The following TRIM71 variants were observed in gnomAD, a reference collection of about 807,000 sequenced individuals.
The protein encoded by TRIM71 is E3 ubiquitin-protein ligase TRIM71.
TRIM71 carries 9 observed loss-of-function variants against 61.2 expected under a neutral mutation model. The observed-to-expected ratio is 0.15, with a 90% CI of 0.09 to 0.26. The LOEUF (loss-of-function observed/expected upper bound fraction) is 0.26. Ranked by LOEUF, TRIM71 falls within the 10% of genes least tolerant of loss-of-function variation. The probability of loss-of-function intolerance (pLI) is 1.00; values close to 1 mark genes in which losing one functional copy is unlikely to be tolerated. For synonymous variants in TRIM71, 645 were observed against 553.2 expected (o/e 1.17, Z -2.33); for missense variants, 998 against 1,238.7 (o/e 0.81, Z 2.92).
At chr3:32,854,132 G>T (rs932475044) in intron 1 of TRIM71, among the ~76,000 whole-genome samples, 3 of 152,184 alleles carry the variant, frequency 2.0e-5, no homozygotes, top group Admixed American at 1.3e-4. Context: ...GGAATGACAG[G>T]CATGTGCCAC....
At chr3:32,871,603 G>A (rs1559547881) in intron 1 of TRIM71, among the ~76,000 whole-genome samples, 1 of 152,176 alleles carries the variant, frequency 6.6e-6, no homozygotes, top group Non-Finnish European at 1.5e-5. Flanking sequence ...AAAGGGATTG[G>A]CCAGGAATTT....
chr3:32,869,498 A>G (rs1243816379), intron 1 of TRIM71, among the ~76,000 whole-genome samples: 2 of 152,206 alleles, frequency 1.3e-5, no homozygotes. Context: ...TTGTTGGGCC[A>G]CAGATAGTGT....
At chr3:32,877,764 T>C (rs972785609) in intron 2 of TRIM71, among the ~76,000 whole-genome samples, 5 of 152,192 alleles carry the variant, frequency 3.3e-5, no homozygotes, top group Admixed American at 6.5e-5. Flanking sequence ...TCTAGTTCTC[T>C]TTGTATTTTC....
chr3:32,842,896 T>G (rs941809603), intron 1 of TRIM71, among the ~76,000 whole-genome samples: 1 of 152,156 alleles, frequency 6.6e-6, no homozygotes, highest in African/African-American at 2.4e-5. Flanking sequence ...GAGCCTGCCT[T>G]ACTCTGGCCT....
At position 32,891,773 on chromosome 3, in the gene TRIM71, G is replaced by A. The variant is rs745871220; in HGVS notation, c.2569G>A (p.Val857Met). ...CATCACCCCCGACGGAATGATCGTT[G>A]TGGTGGACTTTGGCAACAATCGAAT... ...IAITPDGMIVVVDFGNNRILV... is the reference protein window; with the variant it reads ...IAITPDGMIVMVDFGNNRILV... Residue 857 changes from valine (V) to methionine (M), a missense_variant, in exon 4 of 4, where the codon GTG (valine) becomes ATG (methionine). Around this residue, in one of 5 missense-constraint regions of TRIM71, gnomAD observed 95 missense variants for 159.0 expected, o/e 0.60. Coordinates refer to ENST00000383763, the MANE Select transcript of TRIM71 (RefSeq NM_001039111.3). The surrounding 1 kb of genome is among the most constrained non-coding windows in gnomAD (Gnocchi z 8.2). 6.2e-7 allele frequency: 1 copy of A among 1,614,080 alleles called. No homozygotes were observed. Among genetic ancestry groups the A allele is most frequent in the Non-Finnish European group, 8.5e-7 (1 of 1,180,042 alleles).
chr3:32,825,165 T>A (rs977327744), intron 1 of TRIM71, among the ~76,000 whole-genome samples: 2 of 152,184 alleles, frequency 1.3e-5, no homozygotes, highest in African/African-American at 4.8e-5. Context: ...CTACTTAATA[T>A]GGATGCAACT....
rs1697094387 is a variant in TRIM71 at position 32,897,661 on chromosome 3, G to A, written c.*5850G>A. ...TGTGTTAGCTAACAGGCTTCTGAAT[G>A]TATCACTGTGGTCCACAGAGAAGGC... On this transcript the variant is annotated 3_prime_UTR_variant, in exon 4 of 4. Transcript: ENST00000383763. 1 of 152,234 alleles carries A rather than the reference G, an allele frequency of 6.6e-6. No individual in the cohort carries two copies. The highest frequency in any genetic ancestry group is 1.5e-5 in the Non-Finnish European group (1 of 68,050). 9.4% of individuals were successfully genotyped at this position (152,234 alleles called of 1,614,324 possible). A position where few individuals can be genotyped will look rare whatever the true frequency, so the allele number is the denominator to read the frequency against.
At chr3:32,843,605 G>T (rs1311986953) in intron 1 of TRIM71, among the ~76,000 whole-genome samples, 1 of 152,126 alleles carries the variant, frequency 6.6e-6, no homozygotes, top group Non-Finnish European at 1.5e-5. Flanking sequence ...TAATCCCCGT[G>T]CCTCCCATTC....
rs954184004 is a variant in TRIM71, at chr3:32,893,752, C to A, written c.*1941C>A. 2.6e-5 allele frequency: 4 copies of A among 151,836 alleles called. No individual in the cohort carries two copies. The highest frequency in any genetic ancestry group is 9.7e-5 in the African/African-American group (4 of 41,434). 9.4% of individuals were successfully genotyped at this position (151,836 alleles called of 1,614,324 possible). A position where few individuals can be genotyped will look rare whatever the true frequency, so the allele number is the denominator to read the frequency against. ...ACAGTGTGACAAGTCAATCAAGTTG[C>A]TTTTCCCGTACACCTCTTTTGGACG... On this transcript the variant is annotated 3_prime_UTR_variant, in exon 4 of 4. Transcript: ENST00000383763.
intron 2 of TRIM71, 77 bp downstream of exon 2, chr3:32,874,062 T>C: frequency 6.8e-7 from 1 of 1,463,198 alleles, no homozygotes; most frequent in Non-Finnish European, 9.2e-7. Context: ...GACAGACAAT[T>C]GGGCAGATTC....
At chr3:32,821,046 T>G (rs950819460) in intron 1 of TRIM71, among the ~76,000 whole-genome samples, 2 of 152,216 alleles carry the variant, frequency 1.3e-5, no homozygotes, top group African/African-American at 4.8e-5. Context: ...GACTAAAGTG[T>G]TAGGAGAGAC....
In TRIM71 at chr3:32,818,163, A is replaced by C; in HGVS notation, c.83A>C (p.Asn28Thr). 2 of 1,602,486 alleles carry C rather than the reference A, an allele frequency of 1.2e-6. No individual in the cohort carries two copies. Among genetic ancestry groups the C allele is most frequent in the Non-Finnish European group, 1.7e-6 (2 of 1,175,182 alleles). ...GGCTCGCCGGCGCCGCTCTCCTCCA[A>C]CTCGTCCGCGTCGTCGTCCTCCTCG... is the stretch of plus-strand genomic sequence containing the variant. ...MCGSPAPLSS[N>T]SSASSSSSQT... The change falls in exon 1 of 4, where the codon AAC (asparagine) becomes ACC (threonine). Residue 28 changes from asparagine (N) to threonine (T), a missense_variant. This residue lies in a region of TRIM71 where 527 missense variants were observed against 427.8 expected (regional missense o/e 1.23). Transcript: ENST00000383763.
intron 1 of TRIM71, among the ~76,000 whole-genome samples, chr3:32,870,772 C>T (rs1450392367): frequency 1.3e-5 from 2 of 152,146 alleles, no homozygotes; most frequent in Admixed American, 1.3e-4. Context: ...TAGTTGGAGT[C>T]TGGAATGGGC....
At chr3:32,878,837 C>G (rs780660859) in intron 2 of TRIM71, among the ~76,000 whole-genome samples, 1 of 152,210 alleles carries the variant, frequency 6.6e-6, no homozygotes, top group Non-Finnish European at 1.5e-5. Context: ...GTCAGCCCGT[C>G]CATTGAAGCT....
chr3:32,876,562 C>T (rs115834583), intron 2 of TRIM71, among the ~76,000 whole-genome samples: 1,680 of 152,204 alleles, frequency 0.011, 36 homozygotes, highest in African/African-American at 0.038. Flanking sequence ...CCAGCCTGGA[C>T]GACCGAATGA....
At chr3:32,821,498 A>T (rs532628621) in intron 1 of TRIM71, among the ~76,000 whole-genome samples, 1 of 152,270 alleles carries the variant, frequency 6.6e-6, no homozygotes, top group African/African-American at 2.4e-5. Flanking sequence ...AGGATTGGCA[A>T]GTAAGGTGTC....
intron 1 of TRIM71, among the ~76,000 whole-genome samples, chr3:32,843,182 G>T (rs150979764): frequency 2.6e-5 from 4 of 152,266 alleles, no homozygotes; most frequent in African/African-American, 9.6e-5. Flanking sequence ...GAGGGGCAGG[G>T]CCTCACCCTC....
At chr3:32,833,051 T>G (rs1342601960) in intron 1 of TRIM71, among the ~76,000 whole-genome samples, 1 of 151,660 alleles carries the variant, frequency 6.6e-6, no homozygotes, top group African/African-American at 2.4e-5. Context: ...GTTACGAACC[T>G]GTCATCCCAG....
intron 1 of TRIM71, among the ~76,000 whole-genome samples, chr3:32,870,888 C>G (rs1189613223): frequency 6.6e-6 from 1 of 152,144 alleles, no homozygotes; most frequent in Non-Finnish European, 1.5e-5. Flanking sequence ...TCACGGCTCA[C>G]TGCAGCCTCA....
Sources: allele counts gnomAD v4.1 joint callset (sites outside exome capture counted in the v4.1 genomes callset), GRCh38; gene constraint gnomAD v4.1.1; regional missense constraint gnomAD v4.1.1; non-coding constraint Gnocchi (gnomAD v3.1); transcripts MANE v1.5; gene names NCBI Gene and HGNC (gene_info 2026-07-23, HGNC 2026-07-21).